SLC39A10: variants seen among roughly 807,000 people sequenced by gnomAD.
The protein encoded by SLC39A10 is zinc transporter ZIP10.
A neutral mutation model predicts 65.1 loss-of-function variants in SLC39A10; 13 were observed. That is an observed-to-expected ratio of 0.20 (90% CI 0.13 to 0.32). The LOEUF is 0.32. SLC39A10 is among the 10% of genes least tolerant of loss of function. The pLI is 1.00. For synonymous variants in SLC39A10, 321 were observed against 342.2 expected, an observed-to-expected ratio of 0.94 and a Z score of 0.68; for missense variants, 831 against 1,018.4, an observed-to-expected ratio of 0.82 and a Z score of 2.50.
chr2:195,633,655 GC>G (rs1325748410), intron 2 of SLC39A10, among the ~76,000 whole-genome samples: 1 of 152,194 alleles, frequency 6.6e-6, no homozygotes, highest in Non-Finnish European at 1.5e-5. Flanking sequence ...GTGCCTCTCA[GC>G]GGGAAGAGGA....
chr2:195,701,339 T>C (rs1164549454), intron 3 of SLC39A10, among the ~76,000 whole-genome samples: 3 of 36,144 alleles, frequency 8.3e-5, no homozygotes, highest in African/African-American at 2.0e-4. Flanking sequence ...CTTCTTGACT[T>C]TTTTTTTTTT....
chr2:195,710,414 G>T (rs1691564503), intron 5 of SLC39A10, among the ~76,000 whole-genome samples: 1 of 152,174 alleles, frequency 6.6e-6, no homozygotes, highest in Non-Finnish European at 1.5e-5. Context: ...AGATCTTAAA[G>T]ATGTGCAGTC....
chr2:195,643,003 T>G (rs1688842672), intron 2 of SLC39A10, among the ~76,000 whole-genome samples: 1 of 152,192 alleles, frequency 6.6e-6, no homozygotes, highest in Non-Finnish European at 1.5e-5. Context: ...GTGGGACAAC[T>G]AGGTAGGTAC....
chr2:195,678,307 A>T (rs115059928), intron 1 of SLC39A10, among the ~76,000 whole-genome samples: 1 of 151,988 alleles, frequency 6.6e-6, no homozygotes, highest in African/African-American at 2.4e-5. Context: ...TATTTCAGTT[A>T]TTTTCATGGG....
intron 3 of SLC39A10, among the ~76,000 whole-genome samples, chr2:195,691,338 T>G (rs1156835848): frequency 1.3e-5 from 2 of 152,204 alleles, no homozygotes; most frequent in Non-Finnish European, 2.9e-5. Flanking sequence ...TGTCCAAGTA[T>G]TCTAGTTGTA....
chr2:195,679,132 C>T (rs533548538), intron 1 of SLC39A10, among the ~76,000 whole-genome samples: 88 of 152,238 alleles, frequency 5.8e-4, no homozygotes, highest in South Asian at 2.1e-4. Context: ...TTTAAGTACC[C>T]GTATGTGACT....
chr2:195,629,125 A>G (rs1022221344), intron 2 of SLC39A10, among the ~76,000 whole-genome samples: 2 of 152,072 alleles, frequency 1.3e-5, no homozygotes, highest in Non-Finnish European at 2.9e-5. Context: ...ACGGTGGCTT[A>G]CCCCTGTAAT....
Position 195,716,968 on chromosome 2 carries a change from G to C in SLC39A10, c.2028G>C (p.Gly676=). The change falls in exon 7 of 10, where the codon GGG becomes GGC. Residue 676 remains glycine (G), a synonymous_variant. Coordinates refer to ENST00000359634, the MANE Select transcript of SLC39A10 (RefSeq NM_020342.3). ...IANIAWMVIM[G]DGIHNFSDGL... ...ATATAGCCTGGATGGTGATCATGGG[G>C]GATGGCATCCACAACTTCAGTGATG... 1 of 1,614,126 alleles carries C rather than the reference G, an allele frequency of 6.2e-7. No individual in the cohort carries two copies. Among genetic ancestry groups the C allele is most frequent in the African/African-American group, 1.3e-5 (1 of 75,054 alleles).
intron 2 of SLC39A10, among the ~76,000 whole-genome samples, chr2:195,683,234 C>T (rs574829988): frequency 2.6e-5 from 4 of 151,642 alleles, no homozygotes; most frequent in African/African-American, 9.7e-5. Context: ...TCCTATCAAC[C>T]GACATTGGGC....
chr2:195,687,314 T>C (rs1574271984), intron 3 of SLC39A10, among the ~76,000 whole-genome samples: 1 of 144,460 alleles, frequency 6.9e-6, no homozygotes, highest in Admixed American at 7.0e-5. Flanking sequence ...AACTAATAGC[T>C]TTTTTTTCTT....
rs747335261 is a variant in SLC39A10, at chr2:195,713,552, C to T, written c.1695C>T (p.Ala565=). 9.1e-6 allele frequency: 14 copies of T among 1,546,718 alleles called. 1 individual carries two copies. Among genetic ancestry groups the T allele is most frequent in the South Asian group, 3.8e-5 (3 of 78,982 alleles). Residue 565 remains alanine, a splice_region_variant and synonymous_variant, in exon 6 of 10, where the codon GCC becomes GCT. Transcript: ENST00000359634. Reference sequence around the variant, plus strand: ...ACTGGCTTCAACTCAAGCCTCTTGCCGGTAGACAGCAATTCTGACTCAAGA... The same window carrying T: ...ACTGGCTTCAACTCAAGCCTCTTGCTGGTAGACAGCAATTCTGACTCAAGA... The part of the protein sequence containing the change: ...DSDWLQLKPL[A]GTDDSVVSED...
At chr2:195,702,570 A>C (rs1559041202) in intron 3 of SLC39A10, among the ~76,000 whole-genome samples, 1 of 152,256 alleles carries the variant, frequency 6.6e-6, no homozygotes, top group Non-Finnish European at 1.5e-5. Context: ...TTCCTACTCC[A>C]CAGTCTTTCC....
intron 2 of SLC39A10, among the ~76,000 whole-genome samples, chr2:195,626,977 T>G (rs1574200262): frequency 1.3e-5 from 2 of 152,334 alleles, no homozygotes; most frequent in East Asian, 3.9e-4. Flanking sequence ...CCCATATCCC[T>G]TGGCTGTTTT....
At chr2:195,652,622 C>T (rs1024387851), upstream of SLC39A10, among the ~76,000 whole-genome samples, 5 of 150,672 alleles carry the variant, frequency 3.3e-5, no homozygotes, top group African/African-American at 9.8e-5. Context: ...CTTATTATGC[C>T]GATGAAGCCT....
chr2:195,734,843 A>G (rs748643744), intron 9 of SLC39A10, 40 bp from the exon 10 acceptor site: 51 of 1,526,424 alleles, frequency 3.3e-5, no homozygotes, highest in Admixed American at 1.5e-4. Context: ...TTTGAGCAGA[A>G]GTATTATACA....
rs967563843 is a variant in SLC39A10 at position 195,683,555 on chromosome 2, A to G, written c.1009-144A>G. ...GTATCCCTATTACAAATTCTTATTA[A>G]AAAGTTTTATTTGTAATAGATATCT... On this transcript the variant is annotated intron_variant, in intron 2 of 9. Coordinates refer to ENST00000359634, the MANE Select transcript of SLC39A10 (RefSeq NM_020342.3). 4.8e-6 allele frequency: 3 copies of G among 630,902 alleles called. No homozygotes were observed. The Admixed American group carries it at 9.8e-5, about 21-fold the overall frequency. The allele number at this position is 630,902 out of a possible 1,614,324, so 39.1% of individuals were successfully genotyped here.
At chr2:195,624,197 C>T (rs1688411702) in intron 2 of SLC39A10, among the ~76,000 whole-genome samples, 1 of 151,576 alleles carries the variant, frequency 6.6e-6, no homozygotes, top group African/African-American at 2.4e-5. Context: ...ACCAGCCTGA[C>T]CAACATGGAG....
intron 3 of SLC39A10, among the ~76,000 whole-genome samples, chr2:195,686,445 G>A (rs1314867750): frequency 6.6e-6 from 1 of 152,138 alleles, no homozygotes; most frequent in Non-Finnish European, 1.5e-5. Flanking sequence ...AGCTACTCGG[G>A]AGGCTGAGGC....
chr2:195,642,207 A>G (rs545566965), intron 2 of SLC39A10, among the ~76,000 whole-genome samples: 34 of 152,308 alleles, frequency 2.2e-4, no homozygotes, highest in Non-Finnish European at 1.2e-4. Flanking sequence ...TCAGAAGCCA[A>G]CTAGGCCATA....
Sources: allele counts gnomAD v4.1 joint callset (sites outside exome capture counted in the v4.1 genomes callset), GRCh38; gene constraint gnomAD v4.1.1; transcripts MANE v1.5; gene names NCBI Gene and HGNC (gene_info 2026-07-23, HGNC 2026-07-21).